The following KCNB2 variants were observed in gnomAD, a reference collection of about 807,000 sequenced individuals.
KCNB2 encodes potassium voltage-gated channel subfamily B member 2.
In KCNB2, 15 loss-of-function variants were observed where a neutral mutation model predicts 61.5. That is an observed-to-expected ratio of 0.24 (90% confidence interval 0.16 to 0.38). The LOEUF (loss-of-function observed/expected upper bound fraction) is 0.38. KCNB2 is among the 10% of genes least tolerant of loss of function. KCNB2 has a pLI of 1.00. For missense variants in KCNB2, 828 were observed against 1,125.2 expected, an observed-to-expected ratio of 0.74 and a Z score of 3.78; for synonymous variants, 457 against 446.0, an observed-to-expected ratio of 1.02 and a Z score of -0.31.
At chr8:72,897,001 G>A (rs972926611) in intron 2 of KCNB2, among the ~76,000 whole-genome samples, 1 of 152,078 alleles carries the variant, frequency 6.6e-6, no homozygotes, top group African/African-American at 2.4e-5. Context: ...ATACAGACTA[G>A]GGTTGTGCTT....
At chr8:72,751,019 G>T (rs1038549705) in intron 2 of KCNB2, 11 of 152,138 alleles carry the variant, frequency 7.2e-5, no homozygotes, top group African/African-American at 2.7e-4. Context: ...TACTCCTGGA[G>T]AAACTTAAGA....
At chr8:72,886,550 C>A (rs1242806390) in intron 2 of KCNB2, among the ~76,000 whole-genome samples, 1 of 152,124 alleles carries the variant, frequency 6.6e-6, no homozygotes, top group Non-Finnish European at 1.5e-5. Flanking sequence ...AAACATCAGT[C>A]CTCACCATCT....
chr8:72,576,631 A>G (rs1312373457), intron 2 of KCNB2, among the ~76,000 whole-genome samples: 1 of 152,226 alleles, frequency 6.6e-6, no homozygotes, highest in Non-Finnish European at 1.5e-5. Flanking sequence ...GGTGACCCCA[A>G]GCCACACCAG....
chr8:72,596,088 T>C (rs1178240073), intron 2 of KCNB2, among the ~76,000 whole-genome samples: 1 of 152,158 alleles, frequency 6.6e-6, no homozygotes. Context: ...ATGTCCTAGG[T>C]GTTCATGTAA....
At chr8:72,594,419 C>T (rs1053777480) in intron 2 of KCNB2, among the ~76,000 whole-genome samples, 2 of 152,226 alleles carry the variant, frequency 1.3e-5, no homozygotes, top group South Asian at 2.1e-4. Flanking sequence ...AATTGTTAAA[C>T]TGCTTTAGCT....
At position 72,937,911 on chromosome 8, in the gene KCNB2, C is replaced by T. The variant is rs145103530; in HGVS notation, c.2556C>T (p.Gly852=). Reference sequence around the variant, plus strand: ...CTTTAAGAGAAGAGGGCAGTGTGGGCTCTTCCTCCCCGCAGGACACAGGTC... The same window carrying T: ...CTTTAAGAGAAGAGGGCAGTGTGGGTTCTTCCTCCCCGCAGGACACAGGTC... ...RDPLREEGSV[G]SSSPQDTGHN... is the part of the protein sequence containing the mutation. The change falls in exon 3 of 3, where the codon GGC becomes GGT. Residue 852 remains glycine (G), a synonymous_variant. Coordinates refer to ENST00000523207, the MANE Select transcript of KCNB2 (RefSeq NM_004770.3). The T allele has an allele frequency of 8.1e-6, 13 of 1,613,962 alleles. No homozygotes were observed. The highest frequency in any genetic ancestry group is 1.1e-5 in the Non-Finnish European group (13 of 1,180,006).
At chr8:72,717,455 C>A (rs1360863166) in intron 2 of KCNB2, among the ~76,000 whole-genome samples, 25 of 151,872 alleles carry the variant, frequency 1.6e-4, no homozygotes, top group Admixed American at 4.6e-4. Flanking sequence ...GTACTGGTAC[C>A]AAAACAGAGA....
At chr8:72,918,598 T>C (rs1003938100) in intron 2 of KCNB2, among the ~76,000 whole-genome samples, 1 of 152,210 alleles carries the variant, frequency 6.6e-6, no homozygotes, top group East Asian at 1.9e-4. Flanking sequence ...TTTTGAGGAA[T>C]TCTAAACTAA....
chr8:72,602,374 T>A (rs1253182428), intron 2 of KCNB2, among the ~76,000 whole-genome samples: 1 of 152,180 alleles, frequency 6.6e-6, no homozygotes, highest in Non-Finnish European at 1.5e-5. Context: ...TGCTACTGAA[T>A]CATTGCTAGA....
rs750103335 is a variant in KCNB2 at position 72,938,057 on chromosome 8, C to A, written c.2702C>A (p.Thr901Lys). ...APEIHSNPGD[T>K]GYCPTRETSM ...GAAATTCATTCCAACCCAGGAGACA[C>A]AGGTTATTGTCCCACACGTGAAACC... The change falls in exon 3 of 3, where the codon ACA becomes AAA. Residue 901 changes from threonine (T) to lysine (K), a missense_variant. Transcript: ENST00000523207. 7 of 1,613,194 alleles carry A rather than the reference C, an allele frequency of 4.3e-6. No individual in the cohort carries two copies. The highest frequency in any genetic ancestry group is 5.9e-6 in the Non-Finnish European group (7 of 1,179,588).
At chr8:72,749,435 G>A (rs1808144916) in intron 2 of KCNB2, 1 of 151,902 alleles carries the variant, frequency 6.6e-6, no homozygotes, top group East Asian at 1.9e-4. Flanking sequence ...CATTTTCTCT[G>A]AGAGTGTGAA....
intron 2 of KCNB2, among the ~76,000 whole-genome samples, chr8:72,727,911 G>C (rs1807679527): frequency 2.6e-5 from 4 of 152,138 alleles, no homozygotes; most frequent in Admixed American, 2.6e-4. Context: ...AATAGTCTTA[G>C]CAATACGGCA....
intron 2 of KCNB2, among the ~76,000 whole-genome samples, chr8:72,600,296 A>C (rs960254025): frequency 3.3e-5 from 5 of 152,134 alleles, no homozygotes; most frequent in Non-Finnish European, 5.9e-5. Flanking sequence ...CTTTGTAGGG[A>C]CATGGATGAA....
chr8:72,813,468 A>AAAGATTGT (rs1809340170), intron 2 of KCNB2, among the ~76,000 whole-genome samples: 1 of 152,272 alleles, frequency 6.6e-6, no homozygotes, highest in African/African-American at 2.4e-5. Context: ...CAGAAACAGT[A>AAAGATTGT]AAGATTGTAA....
intron 2 of KCNB2, among the ~76,000 whole-genome samples, chr8:72,930,377 T>C (rs1479223777): frequency 1.3e-5 from 2 of 152,160 alleles, no homozygotes; most frequent in Non-Finnish European, 2.9e-5. Context: ...ATCACCACAC[T>C]GACTTCCACA....
At chr8:72,934,987 T>C (rs1806870960) in intron 2 of KCNB2, among the ~76,000 whole-genome samples, 2 of 152,064 alleles carry the variant, frequency 1.3e-5, no homozygotes, top group Non-Finnish European at 2.9e-5. Flanking sequence ...TTCTGGGTCA[T>C]TTCATTTATT....
intron 2 of KCNB2, among the ~76,000 whole-genome samples, chr8:72,780,627 G>T (rs1270062708): frequency 6.6e-6 from 1 of 151,976 alleles, no homozygotes; most frequent in Admixed American, 6.6e-5. Flanking sequence ...TATCATTGAT[G>T]GGCACTTCGA....
At chr8:72,854,212 A>C (rs1260468787) in intron 2 of KCNB2, among the ~76,000 whole-genome samples, 1 of 152,160 alleles carries the variant, frequency 6.6e-6, no homozygotes. Flanking sequence ...CTACCTTTTA[A>C]ATATTATGCA....
chr8:72,670,489 GCT>G (rs1806546492), intron 2 of KCNB2, among the ~76,000 whole-genome samples: 1 of 152,094 alleles, frequency 6.6e-6, no homozygotes, highest in Non-Finnish European at 1.5e-5. Flanking sequence ...CTTACCCACA[GCT>G]CTCTCTTTTT....
Sources: gnomAD v4.1 joint callset for allele counts (sites outside exome capture counted in the v4.1 genomes callset) on GRCh38, gnomAD v4.1.1 for gene constraint, MANE v1.5 for transcripts, NCBI Gene and HGNC (gene_info 2026-07-23, HGNC 2026-07-21) for gene names.